The following IKZF2 variants were observed in gnomAD, a reference collection of about 807,000 sequenced individuals.
IKZF2 encodes IKAROS family zinc finger 2, also known as zinc finger protein Helios.
Under a neutral mutation model 49.2 loss-of-function variants are expected in IKZF2, and 15 were observed. That is an observed-to-expected ratio of 0.30 (90% CI 0.20 to 0.47). The LOEUF (loss-of-function observed/expected upper bound fraction) is 0.47, where lower values mean the gene tolerates loss of function less well. Among genes scored for constraint, IKZF2 ranks in the 20% least tolerant of loss-of-function variants. The pLI, the probability that IKZF2 is intolerant of heterozygous loss-of-function variation, is 1.00. For missense variants in IKZF2, 567 were observed against 664.6 expected, an observed-to-expected ratio of 0.85 and a Z score of 1.61; for synonymous variants, 227 against 221.4, an observed-to-expected ratio of 1.03 and a Z score of -0.23.
chr2:213,104,441 G>GA (rs1261708085), intron 4 of IKZF2, among the ~76,000 whole-genome samples: 1 of 151,988 alleles, frequency 6.6e-6, no homozygotes, highest in Non-Finnish European at 1.5e-5. Context: ...ACTGAGTGAA[G>GA]AAAAAAGAGT....
intron 6 of IKZF2, among the ~76,000 whole-genome samples, chr2:213,023,690 GTTC>G (rs1697481298): frequency 6.6e-6 from 1 of 152,088 alleles, no homozygotes; most frequent in Non-Finnish European, 1.5e-5. Context: ...TCAGTTTTGG[GTTC>G]TTCTGTAATA....
chr2:213,052,203 C>T (rs1032277856), intron 5 of IKZF2, among the ~76,000 whole-genome samples: 14 of 151,774 alleles, frequency 9.2e-5, no homozygotes, highest in Middle Eastern at 3.2e-3. Flanking sequence ...CCCCAAATGG[C>T]GTAGAATAAA....
chr2:213,115,000 T>TA (rs1171327272), intron 4 of IKZF2, among the ~76,000 whole-genome samples: 1 of 152,038 alleles, frequency 6.6e-6, no homozygotes, highest in Non-Finnish European at 1.5e-5. Flanking sequence ...CGTTAACCCT[T>TA]AAAAGTTACA....
At chr2:213,119,913 T>C (rs1217083644) in intron 4 of IKZF2, among the ~76,000 whole-genome samples, 1 of 152,246 alleles carries the variant, frequency 6.6e-6, no homozygotes, top group South Asian at 2.1e-4. Flanking sequence ...TCGACTTTAG[T>C]GAGATAGTAT....
At chr2:213,073,407 T>C (rs2125506444) in intron 4 of IKZF2, among the ~76,000 whole-genome samples, 1 of 152,196 alleles carries the variant, frequency 6.6e-6, no homozygotes. Context: ...AGAAGAAGTA[T>C]ACAAAAATTA....
chr2:213,034,796 G>A (rs998362424), intron 6 of IKZF2, among the ~76,000 whole-genome samples: 1 of 152,264 alleles, frequency 6.6e-6, no homozygotes, highest in East Asian at 1.9e-4. Flanking sequence ...TGGAAAAATG[G>A]TATCAACCGA....
At chr2:213,053,418 T>C (rs1196929191) in intron 5 of IKZF2, among the ~76,000 whole-genome samples, 2 of 152,192 alleles carry the variant, frequency 1.3e-5, no homozygotes, top group East Asian at 1.9e-4. Context: ...TAAACACCTA[T>C]TTCTAGACCT....
chr2:213,022,487 A>T (rs1019811040), intron 6 of IKZF2, among the ~76,000 whole-genome samples: 1 of 129,822 alleles, frequency 7.7e-6, no homozygotes, highest in African/African-American at 2.6e-5. Flanking sequence ...TAGATACATC[A>T]AGAGTTGTGG....
chr2:213,114,281 G>A (rs2059802643), intron 4 of IKZF2, among the ~76,000 whole-genome samples: 1 of 152,070 alleles, frequency 6.6e-6, no homozygotes, highest in Non-Finnish European at 1.5e-5. Context: ...ACTCTGACAA[G>A]TATTCTGATA....
At chr2:213,043,824 C>T (rs1315641911) in intron 6 of IKZF2, among the ~76,000 whole-genome samples, 4 of 152,206 alleles carry the variant, frequency 2.6e-5, no homozygotes, top group Non-Finnish European at 5.9e-5. Flanking sequence ...TCCTGCTATG[C>T]GGCTCAATTT....
chr2:213,094,430 T>C (rs187853264), intron 4 of IKZF2, among the ~76,000 whole-genome samples: 512 of 152,208 alleles, frequency 3.4e-3, no homozygotes, highest in African/African-American at 0.011. Context: ...GAGACTACCA[T>C]AGCTTCAGGG....
intron 4 of IKZF2, among the ~76,000 whole-genome samples, chr2:213,114,897 C>T (rs2059819811): frequency 1.3e-5 from 2 of 151,142 alleles, no homozygotes; most frequent in Admixed American, 6.6e-5. Flanking sequence ...CCACTGCACT[C>T]CAGCCTGGTG....
intron 4 of IKZF2, among the ~76,000 whole-genome samples, chr2:213,121,551 T>G (rs981921558): frequency 2.0e-5 from 3 of 152,218 alleles, no homozygotes; most frequent in Non-Finnish European, 4.4e-5. Context: ...CAATATTCTT[T>G]CTAACATTCA....
intron 6 of IKZF2, among the ~76,000 whole-genome samples, chr2:213,043,255 T>C (rs1699840728): frequency 6.6e-6 from 1 of 152,140 alleles, no homozygotes; most frequent in African/African-American, 2.4e-5. Flanking sequence ...TTTTTCAAAG[T>C]ATTTTTCATT....
chr2:213,123,879 T>C (rs114606034), intron 4 of IKZF2, among the ~76,000 whole-genome samples: 3,279 of 151,916 alleles, frequency 0.022, 123 homozygotes, highest in African/African-American at 0.075. Flanking sequence ...AAGCCTGCTC[T>C]ACAAGCACTA....
chr2:213,138,782 C>T (rs73079213), intron 4 of IKZF2, among the ~76,000 whole-genome samples: 2,206 of 152,112 alleles, frequency 0.015, 42 homozygotes, highest in African/African-American at 0.05. Flanking sequence ...CAACAGTTTG[C>T]TATAAAATCT....
intron 5 of IKZF2, among the ~76,000 whole-genome samples, chr2:213,052,794 T>C (rs1478487019): frequency 2.0e-5 from 3 of 152,078 alleles, no homozygotes; most frequent in African/African-American, 7.2e-5. Flanking sequence ...CTATAAAACA[T>C]TAGCAACCCT....
chr2:213,008,180 G>T, intron 8 of IKZF2, 96 bp from the exon 9 acceptor site: 1 of 1,340,528 alleles, frequency 7.5e-7, no homozygotes, highest in Non-Finnish European at 1.0e-6. Context: ...GAAGTTGACT[G>T]ATTGCCTCCA....
chr2:213,052,201 G>A (rs1455580653), intron 5 of IKZF2, among the ~76,000 whole-genome samples: 1 of 151,796 alleles, frequency 6.6e-6, no homozygotes, highest in Non-Finnish European at 1.5e-5. Context: ...ATCCCCAAAT[G>A]GCGTAGAATA....
Sources: allele counts gnomAD v4.1 joint callset (sites outside exome capture counted in the v4.1 genomes callset), GRCh38; gene constraint gnomAD v4.1.1; transcripts MANE v1.5; gene names NCBI Gene and HGNC (gene_info 2026-07-23, HGNC 2026-07-21).